RSRC1: variants seen among roughly 807,000 people sequenced by gnomAD.
RSRC1 encodes the protein serine/Arginine-related protein 53.
Under a neutral mutation model 49.1 loss-of-function variants are expected in RSRC1, and 39 were observed. The observed-to-expected ratio is 0.79, with a 90% CI of 0.61 to 1.04. The LOEUF (loss-of-function observed/expected upper bound fraction) is 1.04. RSRC1 is among the 50% of genes least tolerant of loss of function. The pLI is 0.00. For synonymous variants in RSRC1, 143 were observed against 130.8 expected, an observed-to-expected ratio of 1.09 and a Z score of -0.63; for missense variants, 388 against 402.4, an observed-to-expected ratio of 0.96 and a Z score of 0.31.
chr3:158,513,540 G>A (rs924852171), intron 7 of RSRC1, among the ~76,000 whole-genome samples: 11 of 152,208 alleles, frequency 7.2e-5, no homozygotes, highest in East Asian at 3.9e-4. Context: ...GAGGATTTTT[G>A]CATCAATGTT....
At chr3:158,206,908 C>T (rs186808072) in intron 4 of RSRC1, among the ~76,000 whole-genome samples, 5 of 151,986 alleles carry the variant, frequency 3.3e-5, no homozygotes, top group South Asian at 2.1e-4. Context: ...AGTGAGACTC[C>T]GTTTAAAAAA....
intron 3 of RSRC1, among the ~76,000 whole-genome samples, chr3:158,125,766 A>G (rs567739279): frequency 1.3e-5 from 2 of 151,954 alleles, no homozygotes; most frequent in African/African-American, 4.8e-5. Context: ...AGGTCCTCTT[A>G]TGTCTTATTT....
intron 5 of RSRC1, among the ~76,000 whole-genome samples, chr3:158,309,874 T>G (rs536678969): frequency 6.6e-6 from 1 of 151,866 alleles, no homozygotes; most frequent in Non-Finnish European, 1.5e-5. Context: ...TAAGTTCATG[T>G]AGATTATATC....
chr3:158,413,017 G>T (rs925327440), intron 6 of RSRC1, among the ~76,000 whole-genome samples: 9 of 152,108 alleles, frequency 5.9e-5, no homozygotes, highest in African/African-American at 1.7e-4. Context: ...AACCAAAAAA[G>T]AGTCTGCATT....
At chr3:158,134,115 T>C (rs1716212856) in intron 3 of RSRC1, among the ~76,000 whole-genome samples, 1 of 151,508 alleles carries the variant, frequency 6.6e-6, no homozygotes, top group Admixed American at 6.6e-5. Context: ...AATATCAGCC[T>C]GAAAATATTG....
intron 4 of RSRC1, among the ~76,000 whole-genome samples, chr3:158,204,001 G>T (rs181207672): frequency 2.2e-4 from 33 of 152,166 alleles, no homozygotes; most frequent in African/African-American, 7.7e-4. Flanking sequence ...CTAGGAAGTA[G>T]AATCTAATCT....
At chr3:158,212,627 C>G (rs1365175475) in intron 4 of RSRC1, among the ~76,000 whole-genome samples, 1 of 151,902 alleles carries the variant, frequency 6.6e-6, no homozygotes, top group Non-Finnish European at 1.5e-5. Context: ...CAGACTTAAA[C>G]ACACTATTTC....
At chr3:158,320,303 T>TA in intron 5 of RSRC1, among the ~76,000 whole-genome samples, 1 of 152,342 alleles carries the variant, frequency 6.6e-6, no homozygotes, top group South Asian at 2.1e-4. Context: ...TTTTCTAATA[T>TA]AACCAGTAAC....
intron 6 of RSRC1, among the ~76,000 whole-genome samples, chr3:158,357,016 A>G (rs1731197942): frequency 6.6e-6 from 1 of 152,190 alleles, no homozygotes; most frequent in Admixed American, 6.5e-5. Flanking sequence ...TTTGAGAAGC[A>G]TCCAAAATTA....
intron 5 of RSRC1, among the ~76,000 whole-genome samples, chr3:158,349,480 C>T (rs750276554): frequency 6.6e-6 from 1 of 151,974 alleles, no homozygotes; most frequent in African/African-American, 2.4e-5. Context: ...GTAGTCCAGC[C>T]GCCTTTGCTC....
chr3:158,472,439 T>C (rs1578520681), intron 7 of RSRC1, among the ~76,000 whole-genome samples: 1 of 152,006 alleles, frequency 6.6e-6, no homozygotes, highest in East Asian at 1.9e-4. Context: ...CTGAAAAAAA[T>C]ACAAAATAAT....
intron 4 of RSRC1, among the ~76,000 whole-genome samples, chr3:158,212,277 T>C (rs1251862269): frequency 1.3e-5 from 2 of 151,888 alleles, no homozygotes; most frequent in African/African-American, 4.8e-5. Context: ...GCATTTTTTT[T>C]AAGCAACTTT....
Position 158,229,005 on chromosome 3 carries a change from T to C in RSRC1, c.494+25760T>C, listed in dbSNP as rs1325264258. Reference sequence around the variant, plus strand: ...ATAAACACACATACGTGTATATGTGTGTATAAACACACATACGTGTATATG... The same window carrying C: ...ATAAACACACATACGTGTATATGTGCGTATAAACACACATACGTGTATATG... On this transcript the variant is annotated intron_variant, in intron 4 of 9. Transcript: ENST00000611884. Among the ~76,000 whole-genome samples the C allele has an allele frequency of 1.4e-4, 17 of 118,978 alleles. 2 individuals are homozygous for C. Among genetic ancestry groups the C allele is most frequent in the East Asian group, 8.3e-4 (3 of 3,606 alleles). The allele number at this position is 118,978 out of a possible 152,430, so 78.1% of individuals were successfully genotyped here.
At chr3:158,523,579 C>CTGAG (rs1030922275) in intron 7 of RSRC1, among the ~76,000 whole-genome samples, 5 of 152,008 alleles carry the variant, frequency 3.3e-5, no homozygotes, top group African/African-American at 1.2e-4. Context: ...CCCTAAAACA[C>CTGAG]TGAGGGTCCT....
intron 7 of RSRC1, among the ~76,000 whole-genome samples, chr3:158,479,915 G>T (rs1403775798): frequency 6.6e-6 from 1 of 151,960 alleles, no homozygotes; most frequent in Non-Finnish European, 1.5e-5. Flanking sequence ...ATTTTAAAAA[G>T]TACAGATTTT....
At chr3:158,110,571 C>A (rs918421255) in intron 1 of RSRC1, 1 of 152,496 alleles carries the variant, frequency 6.6e-6, no homozygotes, top group African/African-American at 2.4e-5. Flanking sequence ...GCTCATCTTG[C>A]AATATAAGCC....
intron 6 of RSRC1, among the ~76,000 whole-genome samples, chr3:158,438,448 G>GATACTGGTACCAAAACAGCA (rs1736172442): frequency 6.6e-6 from 1 of 151,850 alleles, no homozygotes; most frequent in Non-Finnish European, 1.5e-5. Flanking sequence ...CCAAAACAGC[G>GATACTGGTACCAAAACAGCA]TGATACTGGT....
At chr3:158,328,312 A>G (rs1729299787) in intron 5 of RSRC1, among the ~76,000 whole-genome samples, 1 of 152,174 alleles carries the variant, frequency 6.6e-6, no homozygotes, top group Admixed American at 6.5e-5. Context: ...TAGTTGATGC[A>G]GTTTCTTCCT....
intron 7 of RSRC1, among the ~76,000 whole-genome samples, chr3:158,477,852 T>A (rs1376581317): frequency 7.5e-6 from 1 of 133,164 alleles, no homozygotes; most frequent in Non-Finnish European, 1.6e-5. Flanking sequence ...AATATAACCT[T>A]TGAGCAAAGT....
Sources: allele counts gnomAD v4.1 joint callset (sites outside exome capture counted in the v4.1 genomes callset), GRCh38; gene constraint gnomAD v4.1.1; transcripts MANE v1.5; gene names NCBI Gene and HGNC (gene_info 2026-07-23, HGNC 2026-07-21).